TECPR2: variants seen among roughly 807,000 people sequenced by gnomAD.
TECPR2 encodes tectonin beta-propeller repeat-containing protein 2.
In TECPR2, 65 loss-of-function variants were observed where a neutral mutation model predicts 138.1. That is an observed-to-expected ratio of 0.47 (90% CI 0.39 to 0.58). The LOEUF (loss-of-function observed/expected upper bound fraction) is 0.58, where lower values mean the gene tolerates loss of function less well. Among genes scored for constraint, TECPR2 ranks in the 20% least tolerant of loss-of-function variants. TECPR2 has a pLI of 0.00. For synonymous variants in TECPR2, 746 were observed against 749.8 expected (o/e 0.99, Z 0.08); for missense variants, 1,553 against 1,824.5 (o/e 0.85, Z 2.71).
At chr14:102,493,003 G>T (rs1225042348) in intron 17 of TECPR2, among the ~76,000 whole-genome samples, 1 of 152,194 alleles carries the variant, frequency 6.6e-6, no homozygotes, top group Non-Finnish European at 1.5e-5. Flanking sequence ...TCCTCTGCCC[G>T]CTCACGAGCA....
chr14:102,499,390 A>G lies in TECPR2; in HGVS notation c.*1133A>G. ...CAAATCTTACAAATTTAGAAGAGAG[A>G]TATGTTTTCCGAAAACAGTGGAAGC... On this transcript the variant is annotated 3_prime_UTR_variant, in exon 20 of 20. Coordinates refer to ENST00000359520, the MANE Select transcript of TECPR2 (RefSeq NM_014844.5). 1 of 597,982 alleles carries G rather than the reference A, an allele frequency of 1.7e-6. No homozygotes were observed. Among genetic ancestry groups the G allele is most frequent in the Non-Finnish European group, 3.0e-6 (1 of 335,376 alleles). The allele number at this position is 597,982 out of a possible 1,614,324, so 37.0% of individuals were successfully genotyped here. A position where few individuals can be genotyped will look rare whatever the true frequency, so the allele number is the denominator to read the frequency against.
chr14:102,480,807 A>ACTGTGCCTG (rs1890874542), intron 17 of TECPR2, among the ~76,000 whole-genome samples: 1 of 144,304 alleles, frequency 6.9e-6, no homozygotes, highest in African/African-American at 2.6e-5. Flanking sequence ...GGCGTGTGCC[A>ACTGTGCCTG]CTGTGCCTGG....
chr14:102,381,252 C>T (rs556678484), intron 2 of TECPR2, among the ~76,000 whole-genome samples: 143 of 152,302 alleles, frequency 9.4e-4, no homozygotes, highest in Non-Finnish European at 1.9e-3. Flanking sequence ...TGAGCCACTG[C>T]GCCTGGCCGA....
rs113994800 is a variant in TECPR2 at position 102,382,981 on chromosome 14, C to T, written c.219+6041C>T. 8.9e-3 allele frequency among the ~76,000 whole-genome samples: 1,355 copies of T among 152,208 alleles called. 23 individuals carry two copies. Among genetic ancestry groups the T allele is most frequent in the African/African-American group, 0.031 (1,272 of 41,516 alleles). Reference sequence around the variant, plus strand: ...CCACGTTGGCCAGGCTGGTCTCGAACGCCAGACTTCAGGTGATCCATCCAC... The same window carrying T: ...CCACGTTGGCCAGGCTGGTCTCGAATGCCAGACTTCAGGTGATCCATCCAC... On this transcript the variant is annotated intron_variant, in intron 2 of 19. Transcript: ENST00000359520.
At chr14:102,388,698 C>A (rs538797641) in intron 2 of TECPR2, among the ~76,000 whole-genome samples, 18 of 152,002 alleles carry the variant, frequency 1.2e-4, no homozygotes, top group Non-Finnish European at 2.5e-4. Context: ...TGCGGTGCCT[C>A]ACACCTGTAA....
At chr14:102,363,328 C>G (rs1246915137) in intron 1 of TECPR2, among the ~76,000 whole-genome samples, 1 of 152,164 alleles carries the variant, frequency 6.6e-6, no homozygotes, top group Non-Finnish European at 1.5e-5. Flanking sequence ...CCTGGCTCGC[C>G]GCCCGCAGAA....
rs570982685 is a variant in TECPR2 at position 102,428,126 on chromosome 14, C to G, written c.952-124C>G. 2.4e-4 allele frequency: 308 copies of G among 1,267,988 alleles called. 1 individual carries two copies. The highest frequency in any genetic ancestry group is 3.0e-4 in the Non-Finnish European group (288 of 948,022). 78.5% of individuals were successfully genotyped at this position (1,267,988 alleles called of 1,614,324 possible). A position where few individuals can be genotyped will look rare whatever the true frequency, so the allele number is the denominator to read the frequency against. ...TTGAATTGGAATTTTCAGAAAGTTA[C>G]CATAGTAAAGTGCAGTTATCATTTG... On this transcript the variant is annotated intron_variant, in intron 6 of 19. Coordinates refer to ENST00000359520, the MANE Select transcript of TECPR2 (RefSeq NM_014844.5).
chr14:102,443,602 G>A lies in TECPR2; in HGVS notation c.2753-45G>A. On this transcript the variant is annotated intron_variant, in intron 11 of 19. Coordinates refer to ENST00000359520, the MANE Select transcript of TECPR2 (RefSeq NM_014844.5). The surrounding 1 kb of genome is among the most constrained non-coding windows in gnomAD (Gnocchi z 4.9). ...TAACCAAGTCAAAATGAGGTGTGGA[G>A]TTCTGACTGTGTGTCTTTGGGGCTT... The A allele has an allele frequency of 1.4e-6, 2 of 1,470,950 alleles. No homozygotes were observed. Among genetic ancestry groups the A allele is most frequent in the South Asian group, 1.5e-5 (1 of 68,264 alleles). The allele number at this position is 1,470,950 out of a possible 1,614,324, so 91.1% of individuals were successfully genotyped here.
chr14:102,381,736 T>G (rs1442993982), intron 2 of TECPR2, among the ~76,000 whole-genome samples: 1 of 152,222 alleles, frequency 6.6e-6, no homozygotes, highest in Admixed American at 6.5e-5. Context: ...ATGAAGTTCT[T>G]TAGACAGAAG....
chr14:102,434,655 T>C lies in TECPR2; in HGVS notation c.1838T>C (p.Leu613Ser). The C allele has an allele frequency of 6.2e-7, 1 of 1,605,520 alleles. No homozygotes were observed. The highest frequency in any genetic ancestry group is 8.5e-7 in the Non-Finnish European group (1 of 1,173,958). ...PADDGPNSTQ[L>S]PFQEQDSSPG... is the part of the protein sequence containing the mutation. ...GATGATGGACCAAATAGCACACAGT[T>C]ACCCTTCCAAGAACAGGACAGCTCT... Residue 613 changes from leucine to serine, a missense_variant, in exon 9 of 20, where the codon TTA becomes TCA. Leu to Ser is a moderately radical substitution (Grantham distance 145). Transcript: ENST00000359520.
rs768005126 is a variant in TECPR2, at chr14:102,497,680, T to G, written c.4042T>G (p.Tyr1348Asp). 1 of 1,609,376 alleles carries G rather than the reference T, an allele frequency of 6.2e-7. No homozygotes were observed. Among genetic ancestry groups the G allele is most frequent in the South Asian group, 1.1e-5 (1 of 90,350 alleles). Residue 1348 changes from tyrosine (Y) to aspartate (D), a missense_variant, in exon 19 of 20, where the codon TAC becomes GAC. Transcript: ENST00000359520. ...CACAGACAAGAACCCCGCCGGGGAC[T>G]ACTGGAAGAAAATTCCCGGCAGCGT... ...GVTDKNPAGD[Y>D]WKKIPGSVSC...
chr14:102,452,264 C>T, intron 15 of TECPR2, 130 bp from the exon 16 acceptor site: 1 of 812,196 alleles, frequency 1.2e-6, no homozygotes, highest in South Asian at 1.7e-5. Context: ...TGGGAATGGG[C>T]AGGTGAGTGA....
At chr14:102,384,261 GA>G (rs1374664965) in intron 2 of TECPR2, among the ~76,000 whole-genome samples, 2 of 151,864 alleles carry the variant, frequency 1.3e-5, no homozygotes, top group African/African-American at 4.8e-5. Context: ...TTTTTTTAAA[GA>G]GGTTTATTTG....
At chr14:102,394,429 C>T (rs936112446) in intron 2 of TECPR2, among the ~76,000 whole-genome samples, 2 of 152,242 alleles carry the variant, frequency 1.3e-5, no homozygotes, top group Non-Finnish European at 2.9e-5. Context: ...ATAGCAAGAT[C>T]CTGTCTCTAC....
At chr14:102,488,674 C>T (rs1445894337) in intron 17 of TECPR2, among the ~76,000 whole-genome samples, 1 of 151,906 alleles carries the variant, frequency 6.6e-6, no homozygotes, top group Admixed American at 6.6e-5. Context: ...ATAATGGTCA[C>T]TGCACTTGTA....
rs2139751557 is a variant in TECPR2 at position 102,449,853 on chromosome 14, T to C, written c.3300T>C (p.Ala1100=). The C allele has an allele frequency of 6.2e-7, 1 of 1,613,704 alleles. No homozygotes were observed. Among genetic ancestry groups the C allele is most frequent in the South Asian group, 1.1e-5 (1 of 91,078 alleles). The change falls in exon 14 of 20, where the codon GCT becomes GCC. Residue 1100 remains alanine, a synonymous_variant. Coordinates refer to ENST00000359520, the MANE Select transcript of TECPR2 (RefSeq NM_014844.5). The part of the protein sequence containing the change: ...ISSGKNEFHV[A]KGSLIGTYWN... Reference sequence around the variant, plus strand: ...CGGGCAAGAATGAATTCCACGTCGCTAAGGGAAGTCTCATAGGTGGGTGAA... The same window carrying C: ...CGGGCAAGAATGAATTCCACGTCGCCAAGGGAAGTCTCATAGGTGGGTGAA...
intron 11 of TECPR2, among the ~76,000 whole-genome samples, chr14:102,441,329 C>G (rs1199678715): frequency 6.6e-6 from 1 of 151,206 alleles, no homozygotes; most frequent in Non-Finnish European, 1.5e-5. Flanking sequence ...CTCAGCCTCC[C>G]AAAGTGCTGG....
At position 102,434,423 on chromosome 14, in the gene TECPR2, G is replaced by A. The variant is rs186595127; in HGVS notation, c.1606G>A (p.Gly536Ser). 149 of 1,530,506 alleles carry A rather than the reference G, an allele frequency of 9.7e-5. No homozygotes were observed. The highest frequency in any genetic ancestry group is 1.8e-4 in the Middle Eastern group (1 of 5,688). The allele number at this position is 1,530,506 out of a possible 1,614,324, so 94.8% of individuals were successfully genotyped here. The change falls in exon 9 of 20, where the codon GGT becomes AGT. Residue 536 changes from glycine to serine, a missense_variant. By Grantham distance (56) the Gly-to-Ser change is moderately conservative (BLOSUM62 0). Transcript: ENST00000359520. ...AAGCAGCTTCAATGGTGAAGTGAAC[G>A]GTGTCCCACAGGAAAATACTGACCC... ...QESSFNGEVNGVPQENTDPET... is the reference protein window; with the variant it reads ...QESSFNGEVNSVPQENTDPET...
At chr14:102,423,484 A>ATTATTT (rs992063361) in intron 5 of TECPR2, among the ~76,000 whole-genome samples, 5 of 151,032 alleles carry the variant, frequency 3.3e-5, no homozygotes, top group African/African-American at 1.2e-4. Context: ...TATTATTATT[A>ATTATTT]TTATTTTTAG....
Sources: allele counts gnomAD v4.1 joint callset (sites outside exome capture counted in the v4.1 genomes callset), GRCh38; gene constraint gnomAD v4.1.1; non-coding constraint Gnocchi (gnomAD v3.1); transcripts MANE v1.5; gene names NCBI Gene and HGNC (gene_info 2026-07-23, HGNC 2026-07-21).